Variants in ENTREP1 observed in about 807,000 individuals in gnomAD.
The protein encoded by ENTREP1 is Friedreich ataxia region gene X123.
At chr9:69,344,793 TG>T in the ENTREP1 span, among the ~76,000 whole-genome samples, 5 of 152,198 alleles carry the variant, frequency 3.3e-5, no homozygotes, top group African/African-American at 4.8e-5. Flanking sequence ...ACAAGGGACC[TG>T]GTTTTCCTGT....
chr9:69,367,314 T>G, the ENTREP1 span, among the ~76,000 whole-genome samples: 1 of 151,866 alleles, frequency 6.6e-6, no homozygotes, highest in Admixed American at 6.6e-5. Context: ...CTCCAGCTTT[T>G]CTCAGGATTG....
At chr9:69,325,840 C>G in the ENTREP1 span, 1 of 1,201,600 alleles carries the variant, frequency 8.3e-7, no homozygotes, top group Non-Finnish European at 1.0e-6. Flanking sequence ...GAGCCTCACG[C>G]CACCTGAAGT....
chr9:69,344,352 A>G, the ENTREP1 span, among the ~76,000 whole-genome samples: 2 of 152,234 alleles, frequency 1.3e-5, no homozygotes, highest in Non-Finnish European at 2.9e-5. Flanking sequence ...GAAAAGATGT[A>G]GAAGAAACTG....
At chr9:69,359,871 T>G in the ENTREP1 span, among the ~76,000 whole-genome samples, 2 of 152,168 alleles carry the variant, frequency 1.3e-5, no homozygotes, top group Non-Finnish European at 2.9e-5. Context: ...ATTAAAAGTT[T>G]GTGAATTGAC....
At chr9:69,325,780 G>T in the ENTREP1 span, 9 of 1,214,684 alleles carry the variant, frequency 7.4e-6, no homozygotes, top group Non-Finnish European at 8.2e-6. Flanking sequence ...GGGGGCTCTG[G>T]TCGTTCCTCT....
the ENTREP1 span, among the ~76,000 whole-genome samples, chr9:69,343,449 T>C: frequency 6.6e-6 from 1 of 151,026 alleles, no homozygotes; most frequent in Admixed American, 6.6e-5. Context: ...TGGATGATTG[T>C]TTTTTTTGAG....
the ENTREP1 span, among the ~76,000 whole-genome samples, chr9:69,332,460 C>A: frequency 1.5e-4 from 23 of 152,258 alleles, no homozygotes; most frequent in African/African-American, 5.3e-4. Context: ...TGGTATATGC[C>A]TTGACTGACT....
At chr9:69,369,908 T>C in the ENTREP1 span, among the ~76,000 whole-genome samples, 1 of 152,212 alleles carries the variant, frequency 6.6e-6, no homozygotes, top group African/African-American at 2.4e-5. Context: ...CTTGTCTCTT[T>C]ATTATTGATT....
the ENTREP1 span, chr9:69,375,663 G>T: frequency 8.4e-7 from 1 of 1,186,412 alleles, no homozygotes; most frequent in Non-Finnish European, 1.2e-6. Context: ...CTACAGGATT[G>T]GTGCTCCATG....
the ENTREP1 span, among the ~76,000 whole-genome samples, chr9:69,343,099 C>A: frequency 6.6e-6 from 1 of 152,166 alleles, no homozygotes; most frequent in African/African-American, 2.4e-5. Flanking sequence ...AACCTTTCTG[C>A]CAAGTTAATT....
the ENTREP1 span, chr9:69,385,878 C>T: frequency 6.4e-5 from 103 of 1,611,748 alleles, no homozygotes; most frequent in Middle Eastern, 3.3e-4. Context: ...TATCAGAAGC[C>T]GGAGAGCCCT....
chr9:69,347,337 T>C, the ENTREP1 span, among the ~76,000 whole-genome samples: 1 of 152,122 alleles, frequency 6.6e-6, no homozygotes, highest in Admixed American at 6.5e-5. Flanking sequence ...ACTTGCCAAG[T>C]CCCAACATAA....
the ENTREP1 span, among the ~76,000 whole-genome samples, chr9:69,356,849 G>A: frequency 6.6e-6 from 1 of 152,168 alleles, no homozygotes; most frequent in Non-Finnish European, 1.5e-5. Flanking sequence ...TTCCTAATGA[G>A]AACATGTTAA....
the ENTREP1 span, among the ~76,000 whole-genome samples, chr9:69,335,875 T>C: frequency 7.0e-5 from 2 of 28,724 alleles, no homozygotes; most frequent in South Asian, 1.4e-3. Context: ...TCCTAGCTAC[T>C]GGAGAGGCAG....
At chr9:69,381,303 C>T in the ENTREP1 span, 1 of 152,136 alleles carries the variant, frequency 6.6e-6, no homozygotes, top group Non-Finnish European at 1.5e-5. Flanking sequence ...CATGTGGCTG[C>T]AGGGAGTATT....
the ENTREP1 span, among the ~76,000 whole-genome samples, chr9:69,370,743 T>A: frequency 4.6e-5 from 7 of 152,212 alleles, no homozygotes; most frequent in Non-Finnish European, 1.0e-4. Flanking sequence ...CTCTGACATA[T>A]CAGCTACTTG....
chr9:69,340,815 G>GTGTGTA, the ENTREP1 span, among the ~76,000 whole-genome samples: 90 of 18,598 alleles, frequency 4.8e-3, 1 homozygote, highest in African/African-American at 0.01. Context: ...GTGTGTGTAT[G>GTGTGTA]TGTGTGTGTG....
At chr9:69,365,592 G>A in the ENTREP1 span, among the ~76,000 whole-genome samples, 2 of 151,994 alleles carry the variant, frequency 1.3e-5, no homozygotes, top group African/African-American at 4.8e-5. Flanking sequence ...ACCCTACTCT[G>A]CTTTCAAACA....
At chr9:69,340,616 T>C in the ENTREP1 span, among the ~76,000 whole-genome samples, 1 of 73,914 alleles carries the variant, frequency 1.4e-5, no homozygotes, top group Non-Finnish European at 2.7e-5. Flanking sequence ...TGTGTGCATG[T>C]GTGTGTGCAT....
Sources: allele counts gnomAD v4.1 joint callset (sites outside exome capture counted in the v4.1 genomes callset), GRCh38; gene constraint gnomAD v4.1.1; transcripts MANE v1.5; gene names NCBI Gene and HGNC (gene_info 2026-07-23, HGNC 2026-07-21).